Variants in TLE4 observed in about 807,000 individuals in gnomAD.
TLE4 encodes TLE family member 4, transcriptional corepressor.
Under a neutral mutation model 92.8 loss-of-function variants are expected in TLE4, and 8 were observed. The observed-to-expected ratio is 0.09, with a 90% CI of 0.05 to 0.16. The LOEUF (loss-of-function observed/expected upper bound fraction) is 0.16. Among genes scored for constraint, TLE4 ranks in the 10% least tolerant of loss-of-function variants. The pLI, the probability that TLE4 is intolerant of heterozygous loss-of-function variation, is 1.00. For synonymous variants in TLE4, 371 were observed against 374.1 expected (o/e 0.99, Z 0.10); for missense variants, 675 against 997.6 (o/e 0.68, Z 4.36).
chr9:79,655,684 T>C (rs2059681882), intron 8 of TLE4, among the ~76,000 whole-genome samples: 2 of 152,232 alleles, frequency 1.3e-5, no homozygotes, highest in African/African-American at 4.8e-5. Flanking sequence ...TTAAGTGTTT[T>C]TCACACATGT....
chr9:79,624,177 GAAAAA>G (rs5898638), intron 5 of TLE4, among the ~76,000 whole-genome samples: 2 of 132,782 alleles, frequency 1.5e-5, no homozygotes, highest in Non-Finnish European at 1.6e-5. Flanking sequence ...CCCGAAAATG[GAAAAA>G]AAAAAAAAAA....
chr9:79,655,193 T>TGCGTAATTGTATTAC (rs1393304994), intron 8 of TLE4, among the ~76,000 whole-genome samples: 3 of 152,230 alleles, frequency 2.0e-5, no homozygotes, highest in Non-Finnish European at 4.4e-5. Context: ...CATTGTATTA[T>TGCGTAATTGTATTAC]GCGTAATTGT....
chr9:79,718,858 G>T lies in TLE4; in HGVS notation c.1477G>T (p.Val493Leu). ...CAACCACGGGGAGGTGGTGTGCGCG[G>T]TGACCATCAGCAACCCCACGAGACA... ...TLNHGEVVCA[V>L]TISNPTRHVY... is the part of the protein sequence containing the mutation. The change falls in exon 15 of 20, where the codon GTG (valine) becomes TTG (leucine). Residue 493 changes from valine (V) to leucine (L), a missense_variant. Physicochemically the swap from Val to Leu is conservative, Grantham distance 32 (BLOSUM62 1). Transcript: ENST00000376552. 1 of 1,614,186 alleles carries T rather than the reference G, an allele frequency of 6.2e-7. No individual in the cohort carries two copies. The highest frequency in any genetic ancestry group is 2.2e-5 in the East Asian group (1 of 44,872).
intron 17 of TLE4, 36 bp from the exon 18 acceptor site, chr9:79,722,415 T>C: frequency 6.2e-7 from 1 of 1,611,270 alleles, no homozygotes; most frequent in Non-Finnish European, 8.5e-7. Context: ...GCGTGTCCAC[T>C]GTGGCCACTG....
intron 4 of TLE4, among the ~76,000 whole-genome samples, chr9:79,593,508 G>T (rs1408213990): frequency 6.6e-6 from 1 of 152,158 alleles, no homozygotes; most frequent in Non-Finnish European, 1.5e-5. Flanking sequence ...AGAACACAGT[G>T]ATTGTCCTTG....
At chr9:79,616,880 T>A (rs1314453231) in intron 5 of TLE4, among the ~76,000 whole-genome samples, 1 of 152,156 alleles carries the variant, frequency 6.6e-6, no homozygotes, top group Non-Finnish European at 1.5e-5. Flanking sequence ...CTCTCCCTCT[T>A]CACTAGCTTT....
chr9:79,702,119 G>A (rs959546808), intron 8 of TLE4, among the ~76,000 whole-genome samples: 1 of 152,152 alleles, frequency 6.6e-6, no homozygotes, highest in Non-Finnish European at 1.5e-5. Context: ...CAGGTGCAAC[G>A]AAAATACACA....
chr9:79,572,066 A>G lies in TLE4; in HGVS notation c.-725A>G, dbSNP rs2035988889. ...TATATTATTTTGAGGTGGTGTTCGC[A>G]GAGTTTGAAAGGAGAGAGAATTAAA... On this transcript the variant is annotated 5_prime_UTR_variant, in exon 1 of 20. Transcript: ENST00000376552. 1 of 151,972 alleles carries G rather than the reference A, an allele frequency of 6.6e-6. No homozygotes were observed. Among genetic ancestry groups the G allele is most frequent in the African/African-American group, 2.4e-5 (1 of 41,300 alleles). The allele number at this position is 151,972 out of a possible 1,614,324, so 9.4% of individuals were successfully genotyped here.
intron 14 of TLE4, among the ~76,000 whole-genome samples, chr9:79,715,159 T>A (rs973333278): frequency 6.6e-5 from 10 of 152,216 alleles, no homozygotes; most frequent in Admixed American, 2.0e-4. Flanking sequence ...GGAAATTGTG[T>A]GCCTGGTTTC....
At chr9:79,673,568 C>T (rs528588206) in intron 8 of TLE4, among the ~76,000 whole-genome samples, 1 of 152,198 alleles carries the variant, frequency 6.6e-6, no homozygotes, top group East Asian at 1.9e-4. Flanking sequence ...TGCATAGTTC[C>T]ATTTTACAGT....
chr9:79,695,605 G>A lies in TLE4; in HGVS notation c.610-9178G>A, dbSNP rs148887283. 2.3e-4 allele frequency among the ~76,000 whole-genome samples: 35 copies of A among 152,292 alleles called. No individual in the cohort carries two copies. The East Asian group carries it at 3.9e-3, about 17-fold the overall frequency. ...GATTTTCGTGGTGATCCAAACGGGC[G>A]TGGTCCTTGCCTTCATGGAGCTTCT... is the stretch of plus-strand genomic sequence containing the variant. On this transcript the variant is annotated intron_variant, in intron 8 of 19. Transcript: ENST00000376552.
At chr9:79,663,806 G>T (rs1255876303) in intron 8 of TLE4, among the ~76,000 whole-genome samples, 1 of 152,142 alleles carries the variant, frequency 6.6e-6, no homozygotes, top group Non-Finnish European at 1.5e-5. Context: ...GGGAAGGGAG[G>T]AGTGCTTGAA....
chr9:79,620,226 C>T (rs1184779978), intron 5 of TLE4, among the ~76,000 whole-genome samples: 1 of 152,170 alleles, frequency 6.6e-6, no homozygotes. Context: ...TTGAGTAGAG[C>T]TGCATTGTCC....
chr9:79,631,833 G>C (rs181519148), intron 6 of TLE4, among the ~76,000 whole-genome samples: 2 of 151,274 alleles, frequency 1.3e-5, no homozygotes, highest in African/African-American at 2.4e-5. Flanking sequence ...TTAGCCATTA[G>C]GCAGAAAGGG....
chr9:79,682,341 A>G (rs1489442544), intron 8 of TLE4, among the ~76,000 whole-genome samples: 1 of 152,154 alleles, frequency 6.6e-6, no homozygotes, highest in Non-Finnish European at 1.5e-5. Flanking sequence ...GAGTATATGC[A>G]TCATATTGCC....
chr9:79,702,582 C>T (rs1242419183), intron 8 of TLE4, among the ~76,000 whole-genome samples: 3 of 152,144 alleles, frequency 2.0e-5, no homozygotes, highest in Non-Finnish European at 4.4e-5. Flanking sequence ...TCGTTTGGCT[C>T]GTAATGTTTT....
intron 14 of TLE4, among the ~76,000 whole-genome samples, chr9:79,716,903 C>T (rs779431708): frequency 6.6e-6 from 1 of 152,168 alleles, no homozygotes; most frequent in Non-Finnish European, 1.5e-5. Context: ...TAATGCTTGG[C>T]ACACTGGCAT....
chr9:79,699,819 G>C (rs555824138), intron 8 of TLE4, among the ~76,000 whole-genome samples: 98 of 152,336 alleles, frequency 6.4e-4, no homozygotes, highest in African/African-American at 2.3e-3. Flanking sequence ...GGTATTTGCA[G>C]TCTTGCCTCT....
intron 2 of TLE4, 167 bp downstream of exon 2, chr9:79,573,953 G>A: frequency 2.4e-6 from 1 of 413,514 alleles, no homozygotes; most frequent in South Asian, 8.0e-5. Context: ...TCCTTAGGCA[G>A]GTGTAAATAA....
Sources: gnomAD v4.1 joint callset for allele counts (sites outside exome capture counted in the v4.1 genomes callset) on GRCh38, gnomAD v4.1.1 for gene constraint, MANE v1.5 for transcripts, NCBI Gene and HGNC (gene_info 2026-07-23, HGNC 2026-07-21) for gene names.